The following ZNF740 variants were observed in gnomAD, a reference collection of about 807,000 sequenced individuals.
The protein encoded by ZNF740 is zinc finger protein 740.
In ZNF740, 14 loss-of-function variants were observed where a neutral mutation model predicts 24.8. That is an observed-to-expected ratio of 0.56 (90% CI 0.37 to 0.88). The LOEUF is 0.88. Among genes scored for constraint, ZNF740 ranks in the 40% least tolerant of loss-of-function variants. ZNF740 has a pLI of 0.00. For synonymous variants in ZNF740, 69 were observed against 84.0 expected (o/e 0.82, Z 0.98); for missense variants, 201 against 247.9 (o/e 0.81, Z 1.27).
At chr12:53,183,604 TTTAAA>T (rs1266575076) in intron 2 of ZNF740, among the ~76,000 whole-genome samples, 1 of 152,108 alleles carries the variant, frequency 6.6e-6, no homozygotes, top group Non-Finnish European at 1.5e-5. Flanking sequence ...TAAGTAATTG[TTTAAA>T]TTATATATGG....
chr12:53,180,955 C>T (rs1344634499), intron 1 of ZNF740, 118 bp downstream of exon 1: 2 of 573,208 alleles, frequency 3.5e-6, no homozygotes, highest in Non-Finnish European at 4.2e-6. Context: ...GGGCGCGTGG[C>T]GAAGGGAGGG....
At chr12:53,180,976 G>C in intron 1 of ZNF740, 139 bp downstream of exon 1, 4 of 790,356 alleles carry the variant, frequency 5.1e-6, no homozygotes, top group Non-Finnish European at 4.8e-6. Context: ...GGATCTCCGG[G>C]GGAGGGAGGG....
At chr12:53,186,133 T>C (rs959100513) in intron 5 of ZNF740, 56 bp downstream of exon 5, 21 of 1,577,974 alleles carry the variant, frequency 1.3e-5, no homozygotes, top group Non-Finnish European at 1.8e-5. Context: ...TTGTATTCCA[T>C]GTCTGTTTGT....
In ZNF740 at chr12:53,193,964, C is replaced by G; in HGVS notation, c.*6374C>G. 1 of 1,469,680 alleles carries G rather than the reference C, an allele frequency of 6.8e-7. No homozygotes were observed. Among genetic ancestry groups the G allele is most frequent in the South Asian group, 1.3e-5 (1 of 78,612 alleles). 91.0% of individuals were successfully genotyped at this position (1,469,680 alleles called of 1,614,324 possible). On this transcript the variant is annotated 3_prime_UTR_variant, in exon 7 of 7. Transcript: ENST00000416904. ...TGCACACACACATACCCCAAACTCA[C>G]CAATCATCCAGAACCTCACCCCTTA...
At chr12:53,181,396 C>G in intron 1 of ZNF740, 6 of 985,428 alleles carry the variant, frequency 6.1e-6, no homozygotes, top group Non-Finnish European at 7.2e-6. Flanking sequence ...CCCAAAGGGT[C>G]TCCGCCCCCT....
At position 53,191,799 on chromosome 12, in the gene ZNF740, A is replaced by G. The variant is rs1941956102; in HGVS notation, c.*4209A>G. On this transcript the variant is annotated 3_prime_UTR_variant, in exon 7 of 7. Transcript: ENST00000416904. ...CTGGGGGAACCCAGTGGGAGGAATC[A>G]GGGCTGGTCTTGTGGTGGGGGAACA... 2 of 1,602,766 alleles carry G rather than the reference A, an allele frequency of 1.2e-6. No individual in the cohort carries two copies. The highest frequency in any genetic ancestry group is 1.7e-4 in the Middle Eastern group (1 of 6,044).
chr12:53,185,845 C>T, intron 4 of ZNF740, 109 bp from the exon 5 acceptor site: 1 of 1,428,048 alleles, frequency 7.0e-7, no homozygotes, highest in Non-Finnish European at 9.5e-7. Context: ...CTTTAGACAG[C>T]ATCAGAGAGG....
chr12:53,193,411 C>T lies in ZNF740; in HGVS notation c.*5821C>T. The T allele has an allele frequency of 2.9e-6, 4 of 1,362,942 alleles. No homozygotes were observed. Among genetic ancestry groups the T allele is most frequent in the Non-Finnish European group, 4.0e-6 (4 of 1,012,430 alleles). The allele number at this position is 1,362,942 out of a possible 1,614,324, so 84.4% of individuals were successfully genotyped here. A position where few individuals can be genotyped will look rare whatever the true frequency, so the allele number is the denominator to read the frequency against. On this transcript the variant is annotated 3_prime_UTR_variant, in exon 7 of 7. Transcript: ENST00000416904. ...AGAAGTAGGTCAGAGGGTTTGATCACCCCTGACTTGTCTCTCCCAGGAACC... is the reference window on the plus strand; with the variant it reads ...AGAAGTAGGTCAGAGGGTTTGATCATCCCTGACTTGTCTCTCCCAGGAACC...
chr12:53,181,277 C>T, intron 1 of ZNF740: 1 of 985,446 alleles, frequency 1.0e-6, no homozygotes, highest in Non-Finnish European at 1.2e-6. Context: ...AGTCCCGTTT[C>T]TGCCCGCCAC....
intron 2 of ZNF740, among the ~76,000 whole-genome samples, chr12:53,184,485 C>A (rs527657201): frequency 1.3e-5 from 2 of 152,220 alleles, no homozygotes; most frequent in East Asian, 3.9e-4. Context: ...TGCACTCGGC[C>A]CAGCTGAGGG....
At chr12:53,183,236 T>A (rs1036908732) in intron 2 of ZNF740, among the ~76,000 whole-genome samples, 2 of 152,262 alleles carry the variant, frequency 1.3e-5, no homozygotes, top group Non-Finnish European at 2.9e-5. Context: ...GCGTTTTACG[T>A]CTTAGTTTAC....
At chr12:53,187,373 G>A in intron 6 of ZNF740, 128 bp from the exon 7 acceptor site, 1 of 742,564 alleles carries the variant, frequency 1.3e-6, no homozygotes, top group Middle Eastern at 2.3e-4. Flanking sequence ...ACCACCGTGT[G>A]CTCCTGCTGT....
chr12:53,185,878 G>A (rs1592387844), intron 4 of ZNF740, 76 bp from the exon 5 acceptor site: 9 of 1,558,520 alleles, frequency 5.8e-6, no homozygotes, highest in Admixed American at 1.9e-5. Flanking sequence ...ACAGCTGGAA[G>A]TGGACCCAGA....
Position 53,192,878 on chromosome 12 carries a change from A to G in ZNF740, c.*5288A>G, listed in dbSNP as rs1942012633. Reference sequence around the variant, plus strand: ...GCTCTGCCCGTGCGGTTGGCATGACAGTGACATACTCCACATTGGCAGCGA... The same window carrying G: ...GCTCTGCCCGTGCGGTTGGCATGACGGTGACATACTCCACATTGGCAGCGA... On this transcript the variant is annotated 3_prime_UTR_variant, in exon 7 of 7. Coordinates refer to ENST00000416904, the MANE Select transcript of ZNF740 (RefSeq NM_001004304.4). 1 of 1,614,192 alleles carries G rather than the reference A, an allele frequency of 6.2e-7. No homozygotes were observed. Among genetic ancestry groups the G allele is most frequent in the Non-Finnish European group, 8.5e-7 (1 of 1,180,036 alleles).
rs1941651644 is a variant in ZNF740, at chr12:53,181,746, T to C, written c.-238T>C. 1 of 565,576 alleles carries C rather than the reference T, an allele frequency of 1.8e-6. No individual in the cohort carries two copies. 35.0% of individuals were successfully genotyped at this position (565,576 alleles called of 1,614,324 possible). On this transcript the variant is annotated 5_prime_UTR_variant, in exon 2 of 7. Transcript: ENST00000416904. ...AAAACCAAGACTGGTAGACTCTCTTTTTCTTCAGACAATAGGCAGGAGCCA... is the reference window on the plus strand; with the variant it reads ...AAAACCAAGACTGGTAGACTCTCTTCTTCTTCAGACAATAGGCAGGAGCCA...
At position 53,194,669 on chromosome 12, in the gene ZNF740, A is replaced by C. The variant is rs1942094839; in HGVS notation, c.*7079A>C. ...ACATCAGGACACATAACCTGGGTGC[A>C]TGCCAGGTCTAAAGGGCAGATTCAT... On this transcript the variant is annotated 3_prime_UTR_variant, in exon 7 of 7. Transcript: ENST00000416904. 1 of 257,646 alleles carries C rather than the reference A, an allele frequency of 3.9e-6. No individual in the cohort carries two copies. Among genetic ancestry groups the C allele is most frequent in the Non-Finnish European group, 7.6e-6 (1 of 131,440 alleles). The allele number at this position is 257,646 out of a possible 1,614,324, so 16.0% of individuals were successfully genotyped here. A position where few individuals can be genotyped will look rare whatever the true frequency, so the allele number is the denominator to read the frequency against.
In ZNF740 at chr12:53,193,792, A is replaced by G; in HGVS notation, c.*6202A>G. On this transcript the variant is annotated 3_prime_UTR_variant, in exon 7 of 7. Coordinates refer to ENST00000416904, the MANE Select transcript of ZNF740 (RefSeq NM_001004304.4). ...GGTGTCACTGCAATTACAGTCACAC[A>G]GCGTGTGCAACTCCACAATCAGCTC... 6.2e-7 allele frequency: 1 copy of G among 1,614,100 alleles called. No individual in the cohort carries two copies. The highest frequency in any genetic ancestry group is 1.1e-5 in the South Asian group (1 of 91,078).
In ZNF740 at chr12:53,187,851, T is replaced by TAC. The variant is rs1941853468; in HGVS notation, c.*261_*262insAC. 4.2e-6 allele frequency: 2 copies of TAC among 479,348 alleles called. No individual in the cohort carries two copies. Among genetic ancestry groups the TAC allele is most frequent in the Admixed American group, 6.9e-5 (2 of 28,850 alleles). The allele number at this position is 479,348 out of a possible 1,614,324, so 29.7% of individuals were successfully genotyped here. A position where few individuals can be genotyped will look rare whatever the true frequency, so the allele number is the denominator to read the frequency against. ...CTAGTCCCTGGACCCTTGGCTGAGG[T>TAC]CATAGGTGGGGACTCAAGGTACAGG... On this transcript the variant is annotated 3_prime_UTR_variant, in exon 7 of 7. Coordinates refer to ENST00000416904, the MANE Select transcript of ZNF740 (RefSeq NM_001004304.4).
At chr12:53,186,251 A>G in intron 5 of ZNF740, 140 bp from the exon 6 acceptor site, 1 of 1,142,966 alleles carries the variant, frequency 8.7e-7, no homozygotes, top group Non-Finnish European at 1.2e-6. Context: ...CACTGAGACC[A>G]GCACCTTTGG....
Sources: allele counts gnomAD v4.1 joint callset (sites outside exome capture counted in the v4.1 genomes callset), GRCh38; gene constraint gnomAD v4.1.1; transcripts MANE v1.5; gene names NCBI Gene and HGNC (gene_info 2026-07-23, HGNC 2026-07-21).